Variants in CNDP1 observed in about 807,000 individuals in gnomAD.
The protein encoded by CNDP1 is carnosine dipeptidase 1, also known as beta-Ala-His dipeptidase.
A neutral mutation model predicts 58.1 loss-of-function variants in CNDP1; 44 were observed. The ratio of observed to expected loss-of-function variants is 0.76; its 90% CI spans 0.60 to 0.97. The LOEUF is 0.97. CNDP1 is among the 50% of genes least tolerant of loss of function. The probability of loss-of-function intolerance (pLI) is 0.00; values close to 1 mark genes in which losing one functional copy is unlikely to be tolerated. For missense variants in CNDP1, 616 were observed against 655.1 expected, an observed-to-expected ratio of 0.94 and a Z score of 0.65; for synonymous variants, 254 against 252.6, an observed-to-expected ratio of 1.01 and a Z score of -0.05.
Position 74,559,610 on chromosome 18 carries a change from A to G in CNDP1, c.303+138A>G, listed in dbSNP as rs151336385. The G allele has an allele frequency of 6.3e-4, 483 of 763,958 alleles. 4 individuals carry two copies. In the African/African-American group the frequency reaches 7.8e-3, roughly 12 times the overall value. 47.3% of individuals were successfully genotyped at this position (763,958 alleles called of 1,614,324 possible). ...AACCCCAATTCCCAATGAAGATGAA[A>G]CATTCCCCTGGTCTCAAATGAAGCC... is the stretch of plus-strand genomic sequence containing the variant. On this transcript the variant is annotated intron_variant, in intron 3 of 11. Coordinates refer to ENST00000358821, the MANE Select transcript of CNDP1 (RefSeq NM_032649.6).
rs375880276 is a variant in CNDP1, at chr18:74,561,580, GT to G, written c.467-463del. Reference sequence around the variant, plus strand: ...ACAGTTGTCTAGGCCACACACTTTCGTTTTGAACAGTATCAAATGTAATTCG... The same window carrying G: ...ACAGTTGTCTAGGCCACACACTTTCGTTTGAACAGTATCAAATGTAATTCG... On this transcript the variant is annotated intron_variant, in intron 4 of 11. Coordinates refer to ENST00000358821, the MANE Select transcript of CNDP1 (RefSeq NM_032649.6). 4.1e-3 allele frequency: 646 copies of G among 159,130 alleles called. 7 individuals are homozygous for G. The highest frequency in any genetic ancestry group is 0.014 in the African/African-American group (587 of 41,600). 9.9% of individuals were successfully genotyped at this position (159,130 alleles called of 1,614,324 possible).
At chr18:74,582,321 G>A (rs571468075) in intron 10 of CNDP1, among the ~76,000 whole-genome samples, 2 of 152,220 alleles carry the variant, frequency 1.3e-5, no homozygotes, top group Non-Finnish European at 2.9e-5. Flanking sequence ...TGGTTTCTTT[G>A]TTTCATTTTT....
chr18:74,563,187 C>T (rs1034109515), intron 5 of CNDP1, among the ~76,000 whole-genome samples: 5 of 152,164 alleles, frequency 3.3e-5, no homozygotes, highest in Admixed American at 3.3e-4. Context: ...GAGTTAAGTA[C>T]TCTGACTTCA....
In CNDP1 at chr18:74,584,511, G is replaced by A; in HGVS notation, c.1473G>A (p.Glu491=). The change falls in exon 12 of 12, where the codon GAG becomes GAA. Residue 491 remains glutamate (E), a synonymous_variant. Coordinates refer to ENST00000358821, the MANE Select transcript of CNDP1 (RefSeq NM_032649.6). ...CTCTTCTTAGGTGGAACTACATAGA[G>A]GGAACCAAATTATTTGCTGCCTTTT... The part of the protein sequence containing the change: ...NEKINRWNYI[E]GTKLFAAFFL... 1.2e-6 allele frequency: 2 copies of A among 1,613,548 alleles called. No individual in the cohort carries two copies. The highest frequency in any genetic ancestry group is 1.7e-6 in the Non-Finnish European group (2 of 1,179,538).
intron 7 of CNDP1, 89 bp from the exon 8 acceptor site, chr18:74,576,780 C>G: frequency 1.6e-6 from 2 of 1,287,594 alleles, no homozygotes; most frequent in South Asian, 3.1e-5. Flanking sequence ...TGCTGCAACC[C>G]TGAAGAGTCC....
At chr18:74,553,522 C>T (rs1028419711) in intron 1 of CNDP1, among the ~76,000 whole-genome samples, 2 of 152,046 alleles carry the variant, frequency 1.3e-5, no homozygotes, top group Admixed American at 1.3e-4. Context: ...AGACTGTTTT[C>T]CCCCATTGAA....
At chr18:74,579,203 GCCTTC>G (rs1555743780) in intron 9 of CNDP1, among the ~76,000 whole-genome samples, 2,003 of 125,608 alleles carry the variant, frequency 0.016, 21 homozygotes, top group South Asian at 0.037. Flanking sequence ...CCCTTCCCTT[GCCTTC>G]CCTTCCCTTC....
rs778363703 is a variant in CNDP1 at position 74,580,164 on chromosome 18, GA to G, written c.1205del (p.Asn402IlefsTer10). The G allele has an allele frequency of 1.2e-4, 186 of 1,613,940 alleles. No individual in the cohort carries two copies. Among genetic ancestry groups the G allele is most frequent in the Non-Finnish European group, 1.5e-4 (176 of 1,179,848 alleles). Reference sequence around the variant, plus strand: ...CATCTTGAAGATGTGTTCTCCAAAAGAAATAGTTCCAACAAGATGGTTGTTT... The same window carrying G: ...CATCTTGAAGATGTGTTCTCCAAAAGAATAGTTCCAACAAGATGGTTGTTT... ...TRHLEDVFSK[R>X]NSSNKMVVSM... On this transcript the variant is annotated frameshift_variant, in exon 10 of 12. Coordinates refer to ENST00000358821, the MANE Select transcript of CNDP1 (RefSeq NM_032649.6). LOFTEE classifies it high-confidence loss of function.
At chr18:74,574,395 T>A (rs917709456) in intron 7 of CNDP1, among the ~76,000 whole-genome samples, 1 of 152,222 alleles carries the variant, frequency 6.6e-6, no homozygotes, top group Non-Finnish European at 1.5e-5. Flanking sequence ...GTAGTTTCCC[T>A]TTGCAGACAC....
chr18:74,560,087 G>GCAACCTC (rs1330766089), intron 3 of CNDP1, among the ~76,000 whole-genome samples: 1 of 141,352 alleles, frequency 7.1e-6, no homozygotes, highest in African/African-American at 2.6e-5. Flanking sequence ...TCAGCTCACT[G>GCAACCTC]CAACCTCCGC....
intron 11 of CNDP1, 176 bp from the exon 12 acceptor site, chr18:74,584,320 G>C: frequency 1.7e-6 from 1 of 583,086 alleles, no homozygotes; most frequent in Non-Finnish European, 3.1e-6. Context: ...TAATAATAAT[G>C]CAATTTTCAC....
chr18:74,559,367 TG>T lies in CNDP1; in HGVS notation c.199del (p.Val67CysfsTer11). 1 of 1,613,992 alleles carries T rather than the reference TG, an allele frequency of 6.2e-7. No homozygotes were observed. On this transcript the variant is annotated frameshift_variant, in exon 3 of 12. Transcript: ENST00000358821. LOFTEE classifies it high-confidence loss of function. ...CCATCGAGAGCGACTCTGTCCAGCC[TG>T]TGCCTCGCTTCAGACAAGAGCTCTT... ...VAIESDSVQP[V>X]PRFRQELFRM...
rs775113369 is a variant in CNDP1, at chr18:74,583,687, C to T, written c.1436C>T (p.Ser479Leu). ...PLGAVDDGEH[S>L]QNEKINRWNY... ...GGAGCTGTTGATGATGGAGAACATT[C>T]GCAGAATGAGAAAATCAACAGGTCA... Residue 479 changes from serine (S) to leucine (L), a missense_variant, in exon 11 of 12, where the codon TCG (serine) becomes TTG (leucine). Coordinates refer to ENST00000358821, the MANE Select transcript of CNDP1 (RefSeq NM_032649.6). The T allele has an allele frequency of 1.1e-5, 17 of 1,614,014 alleles. No homozygotes were observed. Among genetic ancestry groups the T allele is most frequent in the Admixed American group, 1.0e-4 (6 of 59,994 alleles).
intron 10 of CNDP1, among the ~76,000 whole-genome samples, chr18:74,583,038 G>A (rs993033281): frequency 4.6e-5 from 7 of 151,928 alleles, no homozygotes; most frequent in South Asian, 2.1e-4. Context: ...ACAGAGTCTC[G>A]CTCTGTCACC....
chr18:74,557,083 T>A (rs1981062701), intron 2 of CNDP1, among the ~76,000 whole-genome samples: 1 of 151,386 alleles, frequency 6.6e-6, no homozygotes, highest in South Asian at 2.1e-4. Flanking sequence ...ACCTGGCTAA[T>A]TTTTGTATTT....
chr18:74,579,666 G>C (rs1981738790), intron 9 of CNDP1, among the ~76,000 whole-genome samples: 1 of 152,214 alleles, frequency 6.6e-6, no homozygotes, highest in African/African-American at 2.4e-5. Flanking sequence ...GTTGAGCCTG[G>C]AGTTGCTCCC....
chr18:74,576,649 T>G, intron 7 of CNDP1: 1 of 434,502 alleles, frequency 2.3e-6, no homozygotes, highest in Admixed American at 4.2e-5. Flanking sequence ...AGGTGAACAC[T>G]AAAGCAGGGC....
intron 10 of CNDP1, among the ~76,000 whole-genome samples, chr18:74,581,218 C>CTGTGTGTG (rs56269857): frequency 0.058 from 8,033 of 138,388 alleles, 280 homozygotes; most frequent in African/African-American, 0.083. Flanking sequence ...CACACCTATC[C>CTGTGTGTG]TGTGTGTGTG....
At chr18:74,552,036 A>G (rs555605635) in intron 1 of CNDP1, among the ~76,000 whole-genome samples, 1 of 152,216 alleles carries the variant, frequency 6.6e-6, no homozygotes, top group South Asian at 2.1e-4. Context: ...CACTGGCTTC[A>G]TCTGCCGCCC....
Sources: allele counts gnomAD v4.1 joint callset (sites outside exome capture counted in the v4.1 genomes callset), GRCh38; gene constraint gnomAD v4.1.1; transcripts MANE v1.5; gene names NCBI Gene and HGNC (gene_info 2026-07-23, HGNC 2026-07-21).